The following ELOVL7 variants were observed in gnomAD, a reference collection of about 807,000 sequenced individuals.
ELOVL7 encodes the protein very long chain fatty acid elongase 7.
Under a neutral mutation model 35.7 loss-of-function variants are expected in ELOVL7, and 27 were observed. That is an observed-to-expected ratio of 0.76 (90% CI 0.56 to 1.04). The LOEUF is 1.04. Among genes scored for constraint, ELOVL7 ranks in the 50% least tolerant of loss-of-function variants. ELOVL7 has a pLI of 0.00. For missense variants in ELOVL7, 327 were observed against 340.8 expected (o/e 0.96, Z 0.32); for synonymous variants, 113 against 114.6 (o/e 0.99, Z 0.09).
At chr5:60,780,789 G>A (rs955609511) in intron 3 of ELOVL7, among the ~76,000 whole-genome samples, 3 of 152,142 alleles carry the variant, frequency 2.0e-5, no homozygotes, top group Non-Finnish European at 4.4e-5. Flanking sequence ...TGGGGGAACT[G>A]CGCCCATGAT....
intron 4 of ELOVL7, among the ~76,000 whole-genome samples, chr5:60,770,273 T>C (rs993664453): frequency 3.3e-5 from 5 of 152,254 alleles, no homozygotes; most frequent in African/African-American, 1.2e-4. Context: ...GCCTGAGAAA[T>C]ATATTTGGGT....
intron 3 of ELOVL7, among the ~76,000 whole-genome samples, chr5:60,779,423 GA>G (rs1743102435): frequency 6.6e-6 from 1 of 152,208 alleles, no homozygotes; most frequent in Non-Finnish European, 1.5e-5. Context: ...AATCTAGGTA[GA>G]GGTTCCCAAA....
chr5:60,777,457 A>G (rs1216993164), intron 3 of ELOVL7, among the ~76,000 whole-genome samples: 2 of 152,040 alleles, frequency 1.3e-5, no homozygotes, highest in African/African-American at 4.8e-5. Context: ...ATTAGGAGCA[A>G]TATTGGTCAA....
chr5:60,797,571 G>C (rs1284819670), intron 2 of ELOVL7, among the ~76,000 whole-genome samples: 2 of 152,222 alleles, frequency 1.3e-5, no homozygotes, highest in Non-Finnish European at 2.9e-5. Flanking sequence ...GAGGAAAGGA[G>C]TTAGTACAGA....
intron 1 of ELOVL7, among the ~76,000 whole-genome samples, chr5:60,816,273 G>A (rs1391491297): frequency 6.6e-6 from 1 of 151,960 alleles, no homozygotes; most frequent in Non-Finnish European, 1.5e-5. Flanking sequence ...CAGCTACTCA[G>A]GTTGAGATAG....
intron 1 of ELOVL7, among the ~76,000 whole-genome samples, chr5:60,827,132 T>C (rs1746213984): frequency 6.6e-6 from 1 of 152,218 alleles, no homozygotes; most frequent in Non-Finnish European, 1.5e-5. Flanking sequence ...AGGGAAAGTG[T>C]AGTTACACAC....
chr5:60,764,282 TA>T lies in ELOVL7; in HGVS notation c.443del (p.Val148AspfsTer29), dbSNP rs1474534177. ...TCCACGGCATGATGGTATGATGGAA[TA>T]CATGAAGGAAAGTCACTTGGCTATT... ...KKNSQVTFLH[V>X]FHHTIMPWTW... is the part of the protein sequence containing the mutation. On this transcript the variant is annotated frameshift_variant, in exon 7 of 9. Coordinates refer to ENST00000508821, the MANE Select transcript of ELOVL7 (RefSeq NM_024930.3). LOFTEE classifies it high-confidence loss of function. The T allele has an allele frequency of 3.7e-6, 6 of 1,613,824 alleles. No individual in the cohort carries two copies. The highest frequency in any genetic ancestry group is 5.1e-6 in the Non-Finnish European group (6 of 1,179,832).
chr5:60,838,165 C>G (rs1461357433), intron 1 of ELOVL7, among the ~76,000 whole-genome samples: 1 of 152,196 alleles, frequency 6.6e-6, no homozygotes, highest in African/African-American at 2.4e-5. Flanking sequence ...AAAATGCTCT[C>G]AGTAAGCCTG....
intron 3 of ELOVL7, among the ~76,000 whole-genome samples, chr5:60,774,722 T>C (rs1363228251): frequency 6.6e-6 from 1 of 151,016 alleles, no homozygotes; most frequent in Admixed American, 6.6e-5. Flanking sequence ...GATGATATGA[T>C]CTTCTACCTA....
At chr5:60,819,077 AGGG>A (rs1561465851) in intron 1 of ELOVL7, among the ~76,000 whole-genome samples, 1 of 442 alleles carries the variant, frequency 2.3e-3, no homozygotes, top group Admixed American at 0.019. Context: ...AGGGGAGGGG[AGGG>A]GAGGGGAGGG....
intron 1 of ELOVL7, among the ~76,000 whole-genome samples, chr5:60,805,059 C>A (rs766584040): frequency 6.6e-6 from 1 of 152,182 alleles, no homozygotes; most frequent in Non-Finnish European, 1.5e-5. Flanking sequence ...TCTGTATCCA[C>A]ATGTGACCTA....
chr5:60,784,602 C>T (rs879693511), intron 3 of ELOVL7, among the ~76,000 whole-genome samples: 2 of 152,154 alleles, frequency 1.3e-5, no homozygotes, highest in Admixed American at 6.5e-5. Flanking sequence ...TTTCCTTACG[C>T]TACTCAGGGT....
chr5:60,756,510 G>A (rs1045861939), intron 8 of ELOVL7, among the ~76,000 whole-genome samples: 1 of 152,080 alleles, frequency 6.6e-6, no homozygotes, highest in African/African-American at 2.4e-5. Flanking sequence ...TTCAAAGTAT[G>A]AATTAAAATA....
chr5:60,766,654 A>C lies in ELOVL7; in HGVS notation c.337-24T>G, dbSNP rs745713054. 20 of 1,593,296 alleles carry C rather than the reference A, an allele frequency of 1.3e-5. No homozygotes were observed. The Admixed American group carries it at 3.5e-4, about 28-fold the overall frequency. ...ATCTGCAGAAGCACAAATAAATCTA[A>C]ATTTATTTTGTATATGGAAGAAAAG... On this transcript the variant is annotated intron_variant, in intron 5 of 8. Transcript: ENST00000508821.
intron 1 of ELOVL7, among the ~76,000 whole-genome samples, chr5:60,836,326 T>C (rs1021790793): frequency 2.0e-5 from 3 of 152,046 alleles, no homozygotes; most frequent in Non-Finnish European, 4.4e-5. Flanking sequence ...CATTGGACTC[T>C]GGATTCCTAG....
intron 3 of ELOVL7, among the ~76,000 whole-genome samples, chr5:60,782,628 A>G (rs1483667412): frequency 6.6e-6 from 1 of 152,242 alleles, no homozygotes; most frequent in Non-Finnish European, 1.5e-5. Flanking sequence ...CAGCCTTCAA[A>G]AAGAAAATCC....
intron 1 of ELOVL7, among the ~76,000 whole-genome samples, chr5:60,814,195 T>C (rs1422181179): frequency 6.6e-6 from 1 of 152,180 alleles, no homozygotes; most frequent in East Asian, 1.9e-4. Flanking sequence ...GTTTTAAAAA[T>C]CGGTGGTTCT....
intron 3 of ELOVL7, among the ~76,000 whole-genome samples, chr5:60,781,809 A>C (rs939728725): frequency 3.3e-5 from 5 of 152,160 alleles, no homozygotes; most frequent in African/African-American, 4.8e-5. Flanking sequence ...TCGCTATGTC[A>C]CCTTGGGCAA....
chr5:60,807,924 G>C (rs950651800), intron 1 of ELOVL7, among the ~76,000 whole-genome samples: 1 of 148,340 alleles, frequency 6.7e-6, no homozygotes, highest in Non-Finnish European at 1.5e-5. Context: ...GTGTGAACCC[G>C]GGAGGCAGAG....
Sources: gnomAD v4.1 joint callset for allele counts (sites outside exome capture counted in the v4.1 genomes callset) on GRCh38, gnomAD v4.1.1 for gene constraint, MANE v1.5 for transcripts, NCBI Gene and HGNC (gene_info 2026-07-23, HGNC 2026-07-21) for gene names.